The following GLMN variants were observed in gnomAD, a reference collection of about 807,000 sequenced individuals.
The protein encoded by GLMN is glomulin, FKBP associated protein, also known as glomulin.
A neutral mutation model predicts 87.8 loss-of-function variants in GLMN; 75 were observed. The ratio of observed to expected loss-of-function variants is 0.85; its 90% CI spans 0.71 to 1.04. GLMN has a LOEUF of 1.04. Among genes scored for constraint, GLMN ranks in the 50% least tolerant of loss-of-function variants. The pLI is 0.00. For missense variants in GLMN, 588 were observed against 658.8 expected (o/e 0.89, Z 1.18); for synonymous variants, 206 against 221.6 (o/e 0.93, Z 0.63).
intron 7 of GLMN, among the ~76,000 whole-genome samples, chr1:92,280,180 G>C (rs1016449957): frequency 6.6e-6 from 1 of 152,200 alleles, no homozygotes. Flanking sequence ...TGACCCCCGC[G>C]TAGCGTGATT....
chr1:92,304,406 C>A, the GLMN span: 1 of 889,244 alleles, frequency 1.1e-6, no homozygotes, highest in Non-Finnish European at 1.7e-6. Context: ...TAACCACTAT[C>A]CTAACAAGGC....
chr1:92,288,478 G>T (rs1475778878), intron 6 of GLMN, among the ~76,000 whole-genome samples: 1 of 151,972 alleles, frequency 6.6e-6, no homozygotes, highest in Non-Finnish European at 1.5e-5. Flanking sequence ...GCCCAGACTG[G>T]AGTACAGTGG....
the GLMN span, among the ~76,000 whole-genome samples, chr1:92,327,765 C>T: frequency 2.0e-5 from 3 of 151,238 alleles, no homozygotes; most frequent in Admixed American, 1.3e-4. Flanking sequence ...GAGATTTATG[C>T]TTTAAAGAGA....
At chr1:92,248,234 CTTG>C (rs1652956456) in intron 16 of GLMN, 2 of 366,898 alleles carry the variant, frequency 5.5e-6, no homozygotes, top group Admixed American at 4.4e-5. Flanking sequence ...GATCTATTAA[CTTG>C]TTAAGTTTTA....
the GLMN span, among the ~76,000 whole-genome samples, chr1:92,305,223 G>C: frequency 6.6e-6 from 1 of 151,842 alleles, no homozygotes; most frequent in Non-Finnish European, 1.5e-5. Flanking sequence ...ACGAGGTCAG[G>C]AAATCGAGAC....
intron 3 of GLMN, among the ~76,000 whole-genome samples, chr1:92,296,796 G>A (rs1650120142): frequency 6.6e-6 from 1 of 152,072 alleles, no homozygotes; most frequent in African/African-American, 2.4e-5. Flanking sequence ...ATGACATATC[G>A]TTTTCCTCCT....
chr1:92,325,333 T>A, the GLMN span, among the ~76,000 whole-genome samples: 1 of 152,276 alleles, frequency 6.6e-6, no homozygotes, highest in Middle Eastern at 3.5e-3. Context: ...GTAAAAAATT[T>A]AGAAATATAT....
chr1:92,335,817 G>T, the GLMN span, among the ~76,000 whole-genome samples: 2 of 151,882 alleles, frequency 1.3e-5, no homozygotes, highest in East Asian at 3.9e-4. Flanking sequence ...CACTACTAAA[G>T]CTATTTCTGC....
the GLMN span, among the ~76,000 whole-genome samples, chr1:92,314,774 G>T: frequency 6.9e-6 from 1 of 145,410 alleles, no homozygotes; most frequent in Non-Finnish European, 1.5e-5. Flanking sequence ...GCTGGGTGTG[G>T]TGGCTCACAC....
intron 3 of GLMN, among the ~76,000 whole-genome samples, chr1:92,295,175 T>G (rs1451315566): frequency 1.3e-5 from 2 of 152,230 alleles, no homozygotes; most frequent in Non-Finnish European, 2.9e-5. Context: ...TATACTTCCC[T>G]TTTCCTTCTG....
intron 7 of GLMN, among the ~76,000 whole-genome samples, chr1:92,285,097 A>T (rs1206508514): frequency 6.6e-6 from 1 of 152,218 alleles, no homozygotes; most frequent in East Asian, 1.9e-4. Context: ...CATTTGACCC[A>T]GCCATCCCAA....
At chr1:92,340,824 G>A in the GLMN span, among the ~76,000 whole-genome samples, 3,598 of 152,218 alleles carry the variant, frequency 0.024, 100 homozygotes, top group African/African-American at 0.066. Flanking sequence ...CTGTCGTAGT[G>A]TAAAGCAGTT....
rs1375550566 is a variant in GLMN at position 92,271,608 on chromosome 1, A to G, written c.780T>C (p.Phe260=). 6.2e-7 allele frequency: 1 copy of G among 1,612,838 alleles called. No individual in the cohort carries two copies. ...AIGHPFPKMI[F]NHGRKKRTWN... is the part of the protein sequence containing the mutation. Reference sequence around the variant, plus strand: ...AAGTTCTCTTTTTCCTTCCATGATTAAAAATCATTTTGGGGAAAGGGTGTC... The same window carrying G: ...AAGTTCTCTTTTTCCTTCCATGATTGAAAATCATTTTGGGGAAAGGGTGTC... The change falls in exon 8 of 19, where the codon TTT becomes TTC. Residue 260 remains phenylalanine, a synonymous_variant. Coordinates refer to ENST00000370360, the MANE Select transcript of GLMN (RefSeq NM_053274.3).
intron 16 of GLMN, among the ~76,000 whole-genome samples, chr1:92,259,772 T>C (rs1257631773): frequency 6.8e-6 from 1 of 146,014 alleles, no homozygotes; most frequent in Non-Finnish European, 1.5e-5. Flanking sequence ...TCTTGCTCTG[T>C]CACCCAGTGG....
At position 92,269,737 on chromosome 1, in the gene GLMN, T is replaced by C. The variant is rs1656035326; in HGVS notation, c.963A>G (p.Glu321=). The C allele has an allele frequency of 6.2e-7, 1 of 1,608,786 alleles. No individual in the cohort carries two copies. The highest frequency in any genetic ancestry group is 8.5e-7 in the Non-Finnish European group (1 of 1,175,428). The change falls in exon 9 of 19, where the codon GAA becomes GAG. Residue 321 remains glutamate, a synonymous_variant. Transcript: ENST00000370360. The part of the protein sequence containing the change: ...YLLQFNMGHI[E]VFLQRTEESV... ...AACGATCTTACCTTTGCAAAAAGAC[T>C]TCAATGTGCCCCATATTAAACTGCA...
chr1:92,318,908 T>C, the GLMN span, among the ~76,000 whole-genome samples: 3 of 152,280 alleles, frequency 2.0e-5, no homozygotes, highest in South Asian at 4.1e-4. Flanking sequence ...GTAGGAAATA[T>C]GGAAGTTGAA....
At chr1:92,276,421 G>A (rs1259319578) in intron 7 of GLMN, among the ~76,000 whole-genome samples, 1 of 152,082 alleles carries the variant, frequency 6.6e-6, no homozygotes, top group Non-Finnish European at 1.5e-5. Context: ...AGTACTTTGG[G>A]AGGCCAAAGG....
At chr1:92,299,291 G>A (rs542503172), upstream of GLMN, 2 of 455,486 alleles carry the variant, frequency 4.4e-6, no homozygotes, top group Non-Finnish European at 7.9e-6. Flanking sequence ...GCTTCCCACC[G>A]CCGTCCGCAC....
intron 16 of GLMN, among the ~76,000 whole-genome samples, chr1:92,255,391 C>T (rs1654082995): frequency 6.6e-6 from 1 of 152,166 alleles, no homozygotes. Context: ...TTCAACTCAG[C>T]TCTGGACCAA....
Sources: allele counts gnomAD v4.1 joint callset (sites outside exome capture counted in the v4.1 genomes callset), GRCh38; gene constraint gnomAD v4.1.1; transcripts MANE v1.5; gene names NCBI Gene and HGNC (gene_info 2026-07-23, HGNC 2026-07-21).